WBP1L: variants seen among roughly 807,000 people sequenced by gnomAD.
WBP1L encodes WW domain binding protein 1-like.
Under a neutral mutation model 33.7 loss-of-function variants are expected in WBP1L, and 17 were observed. The observed-to-expected ratio is 0.50, with a 90% CI of 0.34 to 0.76. The LOEUF (loss-of-function observed/expected upper bound fraction) is 0.76, where lower values mean the gene tolerates loss of function less well. Ranked by LOEUF, WBP1L falls within the 30% of genes least tolerant of loss-of-function variation. The probability of loss-of-function intolerance (pLI) is 0.01; values close to 1 mark genes in which losing one functional copy is unlikely to be tolerated. For missense variants in WBP1L, 389 were observed against 469.4 expected, an observed-to-expected ratio of 0.83 and a Z score of 1.58; for synonymous variants, 173 against 190.8, an observed-to-expected ratio of 0.91 and a Z score of 0.77.
chr10:102,784,477 G>C (rs904941354), intron 1 of WBP1L, among the ~76,000 whole-genome samples: 1 of 142,154 alleles, frequency 7.0e-6, no homozygotes, highest in Admixed American at 7.3e-5. Context: ...CCAGGCTGGA[G>C]TGCAGTGGCA....
chr10:102,789,150 A>T (rs1252444054), intron 1 of WBP1L, among the ~76,000 whole-genome samples: 1 of 152,066 alleles, frequency 6.6e-6, no homozygotes, highest in African/African-American at 2.4e-5. Flanking sequence ...TTTAATAGCG[A>T]TGGGTTTTCG....
At chr10:102,789,960 G>A (rs1441632648) in intron 1 of WBP1L, among the ~76,000 whole-genome samples, 3 of 151,786 alleles carry the variant, frequency 2.0e-5, no homozygotes, top group African/African-American at 7.3e-5. Flanking sequence ...GGATGGTCTC[G>A]ATCTCCTGAC....
intron 2 of WBP1L, among the ~76,000 whole-genome samples, chr10:102,799,885 A>G (rs966864493): frequency 7.2e-5 from 11 of 152,172 alleles, no homozygotes; most frequent in African/African-American, 2.7e-4. Context: ...TTTGTAGCCA[A>G]CAGGAGTGGT....
chr10:102,812,759 T>G lies in WBP1L; in HGVS notation c.520T>G (p.Ser174Ala). The G allele has an allele frequency of 1.9e-6, 3 of 1,613,332 alleles. No homozygotes were observed. The South Asian group carries it at 3.3e-5, about 18-fold the overall frequency. Residue 174 changes from serine (S) to alanine (A), a missense_variant, in exon 4 of 4, where the codon TCC (serine) becomes GCC (alanine). Ser to Ala is a moderately conservative substitution (Grantham distance 99, BLOSUM62 1). Coordinates refer to ENST00000448841, the MANE Select transcript of WBP1L (RefSeq NM_001083913.2). ...CCCGGGCATCGATCCCACCAGGGGA[T>G]CCCAGGGGGCACAGAGCAGCCCCTT... ...SPPGIDPTRG[S>A]QGAQSSPLSE... is the part of the protein sequence containing the mutation.
At chr10:102,749,872 G>T (rs1842908501) in intron 1 of WBP1L, among the ~76,000 whole-genome samples, 1 of 151,680 alleles carries the variant, frequency 6.6e-6, no homozygotes, top group Non-Finnish European at 1.5e-5. Context: ...CTGACTCCCG[G>T]GTTCAAGGGA....
chr10:102,769,343 T>A (rs1265828156), intron 1 of WBP1L, among the ~76,000 whole-genome samples: 1 of 150,432 alleles, frequency 6.6e-6, no homozygotes, highest in Non-Finnish European at 1.5e-5. Flanking sequence ...ATCCCTTCTT[T>A]GTTTTCTTTT....
chr10:102,757,990 A>T (rs1468818978), intron 1 of WBP1L, among the ~76,000 whole-genome samples: 7 of 119,066 alleles, frequency 5.9e-5, no homozygotes, highest in African/African-American at 2.0e-4. Flanking sequence ...GGTTCAGGCA[A>T]TTCCCCTGCC....
intron 1 of WBP1L, among the ~76,000 whole-genome samples, chr10:102,774,930 A>G (rs958504812): frequency 6.6e-6 from 1 of 152,034 alleles, no homozygotes; most frequent in Non-Finnish European, 1.5e-5. Context: ...CCTGGGCAAC[A>G]TGGCGAAACC....
At chr10:102,802,754 C>A (rs1843675381) in intron 2 of WBP1L, among the ~76,000 whole-genome samples, 2 of 152,182 alleles carry the variant, frequency 1.3e-5, no homozygotes, top group African/African-American at 2.4e-5. Context: ...CCTCAGCCTC[C>A]CAAAGTGCTG....
intron 1 of WBP1L, among the ~76,000 whole-genome samples, chr10:102,777,851 C>T (rs528139226): frequency 1.1e-4 from 16 of 152,162 alleles, no homozygotes; most frequent in Non-Finnish European, 1.6e-4. Context: ...AGGCGTGAGC[C>T]ACTGTGCCTG....
intron 1 of WBP1L, among the ~76,000 whole-genome samples, chr10:102,749,186 T>C (rs1361435409): frequency 6.6e-6 from 1 of 152,232 alleles, no homozygotes; most frequent in Non-Finnish European, 1.5e-5. Context: ...TGCTGAGCAT[T>C]TGAAATGTGG....
intron 2 of WBP1L, among the ~76,000 whole-genome samples, chr10:102,804,633 G>T (rs1419527028): frequency 6.6e-6 from 1 of 152,148 alleles, no homozygotes; most frequent in Non-Finnish European, 1.5e-5. Context: ...CTCACACTGT[G>T]TGTCCATCGA....
chr10:102,771,770 C>A (rs1843189127), intron 1 of WBP1L, among the ~76,000 whole-genome samples: 1 of 149,902 alleles, frequency 6.7e-6, no homozygotes, highest in Non-Finnish European at 1.5e-5. Context: ...ATCGTGCCAC[C>A]ACACTCCAGC....
intron 1 of WBP1L, among the ~76,000 whole-genome samples, chr10:102,756,526 T>G (rs1456652085): frequency 6.6e-6 from 1 of 152,206 alleles, no homozygotes; most frequent in Non-Finnish European, 1.5e-5. Context: ...CTCTGATTTC[T>G]TAAAATACCT....
chr10:102,803,964 A>G (rs1843696225), intron 2 of WBP1L: 1 of 152,158 alleles, frequency 6.6e-6, no homozygotes, highest in Non-Finnish European at 1.5e-5. Context: ...TAAAATTGGA[A>G]TGATACTGAG....
intron 1 of WBP1L, among the ~76,000 whole-genome samples, chr10:102,762,253 C>T (rs921826340): frequency 2.6e-5 from 4 of 152,148 alleles, no homozygotes; most frequent in African/African-American, 4.8e-5. Flanking sequence ...TAACAATGTT[C>T]CTCAACATTA....
At chr10:102,793,675 A>G (rs1318778894) in intron 1 of WBP1L, among the ~76,000 whole-genome samples, 3 of 152,144 alleles carry the variant, frequency 2.0e-5, no homozygotes, top group Non-Finnish European at 4.4e-5. Context: ...TCACAGAATA[A>G]TGTTGATAGT....
chr10:102,798,076 C>T lies in WBP1L; in HGVS notation c.174C>T (p.Asn58=). 6.2e-7 allele frequency: 1 copy of T among 1,614,162 alleles called. No homozygotes were observed. Among genetic ancestry groups the T allele is most frequent in the Non-Finnish European group, 8.5e-7 (1 of 1,179,992 alleles). ...GCTGTGGACAGTCTCAGTGCTGCAACTACTACTATGAACTCTGGTGTAAGT... is the reference window on the plus strand; with the variant it reads ...GCTGTGGACAGTCTCAGTGCTGCAATTACTACTATGAACTCTGGTGTAAGT... ...GHCCGQSQCC[N]YYYELWWFWL... is the part of the protein sequence containing the mutation. The change falls in exon 2 of 4, where the codon AAC becomes AAT. Residue 58 remains asparagine, a synonymous_variant. Transcript: ENST00000448841.
At chr10:102,805,371 T>G (rs996584601) in intron 2 of WBP1L, among the ~76,000 whole-genome samples, 1 of 152,160 alleles carries the variant, frequency 6.6e-6, no homozygotes, top group Non-Finnish European at 1.5e-5. Context: ...TTGGTTTACC[T>G]TTAGGTAGAG....
Sources: gnomAD v4.1 joint callset for allele counts (sites outside exome capture counted in the v4.1 genomes callset) on GRCh38, gnomAD v4.1.1 for gene constraint, MANE v1.5 for transcripts, NCBI Gene and HGNC (gene_info 2026-07-23, HGNC 2026-07-21) for gene names.